Variants in ARMH1 observed in about 807,000 individuals in gnomAD.
ARMH1 encodes armadillo like helical domain containing 1.
A neutral mutation model predicts 50.2 loss-of-function variants in ARMH1; 34 were observed. The ratio of observed to expected loss-of-function variants is 0.68; its 90% CI spans 0.51 to 0.90. The LOEUF (loss-of-function observed/expected upper bound fraction) is 0.90. Among genes scored for constraint, ARMH1 ranks in the 40% least tolerant of loss-of-function variants. The pLI is 0.00. For synonymous variants in ARMH1, 221 were observed against 224.2 expected (o/e 0.99, Z 0.13); for missense variants, 538 against 553.9 (o/e 0.97, Z 0.29).
intron 4 of ARMH1, among the ~76,000 whole-genome samples, chr1:44,699,131 A>C (rs938536978): frequency 6.6e-6 from 1 of 152,036 alleles, no homozygotes; most frequent in Non-Finnish European, 1.5e-5. Flanking sequence ...AAATACAAAA[A>C]AAAATTCAAA....
At chr1:44,688,416 G>A (rs984047848) in intron 1 of ARMH1, 2 of 152,182 alleles carry the variant, frequency 1.3e-5, no homozygotes, top group Admixed American at 6.5e-5. Context: ...AAATACATGT[G>A]AGGAAATGTT....
At chr1:44,698,629 G>T (rs955654148) in intron 4 of ARMH1, among the ~76,000 whole-genome samples, 1 of 151,368 alleles carries the variant, frequency 6.6e-6, no homozygotes, top group Non-Finnish European at 1.5e-5. Flanking sequence ...TGACCAACAT[G>T]GAGAAACCCC....
intron 5 of ARMH1, among the ~76,000 whole-genome samples, chr1:44,702,778 A>AG (rs1257564833): frequency 1.3e-5 from 2 of 152,014 alleles, no homozygotes; most frequent in East Asian, 3.9e-4. Context: ...GAAGAAAAAT[A>AG]GGGTTGGAAA....
chr1:44,715,488 G>T (rs1646814277), intron 6 of ARMH1, among the ~76,000 whole-genome samples: 1 of 152,162 alleles, frequency 6.6e-6, no homozygotes, highest in African/African-American at 2.4e-5. Context: ...TTCCTCTTCG[G>T]ATTGGAGCAA....
chr1:44,720,934 G>A (rs1293356288), intron 6 of ARMH1, among the ~76,000 whole-genome samples: 1 of 152,168 alleles, frequency 6.6e-6, no homozygotes, highest in Admixed American at 6.6e-5. Flanking sequence ...CTACTCGGGA[G>A]GCTGAGGCAG....
intron 6 of ARMH1, among the ~76,000 whole-genome samples, chr1:44,723,474 C>T (rs775897732): frequency 6.6e-6 from 1 of 152,198 alleles, no homozygotes; most frequent in Non-Finnish European, 1.5e-5. Context: ...GTCCCCTTCT[C>T]CTTCCTAACC....
Position 44,689,817 on chromosome 1 carries a change from A to C in ARMH1, c.120A>C (p.Gln40His), listed in dbSNP as rs1203199733. Residue 40 changes from glutamine (Q) to histidine (H), a missense_variant, in exon 2 of 12, where the codon CAA becomes CAC. Physicochemically the swap from Gln to His is conservative, Grantham distance 24. Coordinates refer to ENST00000535358, the MANE Select transcript of ARMH1 (RefSeq NM_001145636.2). ...HILDKFIETNQGKTAPELEQE... is the reference protein window; with the variant it reads ...HILDKFIETNHGKTAPELEQE... ...TCGACAAGTTCATTGAAACCAACCA[A>C]GGCAAGACTGCCCCTGAACTGGAGC... 2.6e-6 allele frequency: 4 copies of C among 1,551,620 alleles called. No individual in the cohort carries two copies. The East Asian group carries it at 7.3e-5, about 28-fold the overall frequency.
At chr1:44,699,893 G>A (rs1645985284) in intron 4 of ARMH1, among the ~76,000 whole-genome samples, 2 of 148,982 alleles carry the variant, frequency 1.3e-5, no homozygotes, top group Admixed American at 6.7e-5. Context: ...GCAGTGGCAC[G>A]GTCTCAGCTC....
chr1:44,693,589 T>C (rs1313155752), intron 2 of ARMH1, among the ~76,000 whole-genome samples: 1 of 152,074 alleles, frequency 6.6e-6, no homozygotes, highest in Non-Finnish European at 1.5e-5. Context: ...GCTGGGACTA[T>C]AGGCATGCAC....
intron 1 of ARMH1, among the ~76,000 whole-genome samples, chr1:44,687,349 G>GT (rs1645506351): frequency 6.6e-6 from 1 of 152,216 alleles, no homozygotes; most frequent in Admixed American, 6.5e-5. Context: ...TTTAAAGACT[G>GT]TATCTGCATT....
chr1:44,689,505 G>C (rs891111219), intron 1 of ARMH1, among the ~76,000 whole-genome samples, 171 bp from the exon 2 acceptor site: 4 of 152,148 alleles, frequency 2.6e-5, no homozygotes, highest in Non-Finnish European at 5.9e-5. Context: ...ACTCCAGCTA[G>C]AGCCTCCCTG....
At chr1:44,722,903 C>CAAAAAAAA (rs71036693) in intron 6 of ARMH1, among the ~76,000 whole-genome samples, 1 of 85,980 alleles carries the variant, frequency 1.2e-5, no homozygotes, top group Non-Finnish European at 2.3e-5. Context: ...ACTAAAAATA[C>CAAAAAAAA]AAAAAAAAAA....
At chr1:44,713,487 C>T (rs1003456762) in intron 6 of ARMH1, among the ~76,000 whole-genome samples, 1 of 152,120 alleles carries the variant, frequency 6.6e-6, no homozygotes, top group Admixed American at 6.6e-5. Context: ...CTTCATTGAA[C>T]AGCAGTCAGA....
chr1:44,721,454 G>A (rs551838322), intron 6 of ARMH1, among the ~76,000 whole-genome samples: 19 of 152,040 alleles, frequency 1.2e-4, no homozygotes, highest in Non-Finnish European at 2.1e-4. Flanking sequence ...ACACTAGAAA[G>A]ACTCACAAGA....
intron 6 of ARMH1, among the ~76,000 whole-genome samples, chr1:44,714,525 C>T (rs748122224): frequency 1.3e-5 from 2 of 150,352 alleles, no homozygotes; most frequent in Non-Finnish European, 2.9e-5. Context: ...GCGGAGGTTG[C>T]GGTGAGCTGA....
chr1:44,700,579 G>A (rs1646035223), intron 4 of ARMH1, among the ~76,000 whole-genome samples: 1 of 138,430 alleles, frequency 7.2e-6, no homozygotes, highest in Admixed American at 8.0e-5. Flanking sequence ...TCGCACCACT[G>A]TACTCCAGCC....
chr1:44,680,094 G>A (rs923703453), intron 1 of ARMH1, among the ~76,000 whole-genome samples: 2 of 152,272 alleles, frequency 1.3e-5, no homozygotes, highest in South Asian at 4.1e-4. Context: ...GGCCCTGGAA[G>A]GGCCTGGGGA....
chr1:44,704,834 CTTTTTTT>C (rs34632415), intron 6 of ARMH1, among the ~76,000 whole-genome samples: 1 of 124,348 alleles, frequency 8.0e-6, no homozygotes, highest in Non-Finnish European at 1.7e-5. Flanking sequence ...TTATTGAGAA[CTTTTTTT>C]TTTTTTTTTT....
At position 44,725,284 on chromosome 1, in the gene ARMH1, C is replaced by T. The variant is rs369938740; in HGVS notation, c.1211-7C>T. The T allele has an allele frequency of 1.3e-6, 2 of 1,551,840 alleles. No homozygotes were observed. The highest frequency in any genetic ancestry group is 2.4e-5 in the South Asian group (2 of 84,068). On this transcript the variant is annotated splice_region_variant and splice_polypyrimidine_tract_variant and intron_variant, in intron 11 of 11. Transcript: ENST00000535358. ...CACAGCCTCACGCCCGCCTTTCCTG[C>T]CTGCAGCCCTGTGCCTCCATGGCAG...
Sources: gnomAD v4.1 joint callset for allele counts (sites outside exome capture counted in the v4.1 genomes callset) on GRCh38, gnomAD v4.1.1 for gene constraint, MANE v1.5 for transcripts, NCBI Gene and HGNC (gene_info 2026-07-23, HGNC 2026-07-21) for gene names.